The following GFOD2 variants were observed in gnomAD, a reference collection of about 807,000 sequenced individuals.
The protein encoded by GFOD2 is glucose-fructose oxidoreductase domain-containing protein 2.
GFOD2 carries 9 observed loss-of-function variants against 24.6 expected under a neutral mutation model. That is an observed-to-expected ratio of 0.37 (90% CI 0.22 to 0.64). GFOD2 has a LOEUF of 0.64. Among genes scored for constraint, GFOD2 ranks in the 30% least tolerant of loss-of-function variants. The pLI, the probability that GFOD2 is intolerant of heterozygous loss-of-function variation, is 0.65. For synonymous variants in GFOD2, 211 were observed against 224.8 expected (o/e 0.94, Z 0.55); for missense variants, 476 against 532.5 (o/e 0.89, Z 1.04).
At chr16:67,705,977 ATTTTTTTT>A (rs905493100) in intron 1 of GFOD2, among the ~76,000 whole-genome samples, 1 of 103,614 alleles carries the variant, frequency 9.7e-6, no homozygotes, top group East Asian at 3.0e-4. Flanking sequence ...TTTCCCTGTG[ATTTTTTTT>A]TTTTTTTTTT....
At chr16:67,700,488 G>GT (rs1168053950) in intron 1 of GFOD2, among the ~76,000 whole-genome samples, 1 of 152,160 alleles carries the variant, frequency 6.6e-6, no homozygotes, top group South Asian at 2.1e-4. Context: ...GGGCACGGTG[G>GT]CTCACCTGAG....
At chr16:67,703,174 C>T (rs2053415582) in intron 1 of GFOD2, among the ~76,000 whole-genome samples, 2 of 152,068 alleles carry the variant, frequency 1.3e-5, no homozygotes, top group Admixed American at 6.6e-5. Flanking sequence ...GAGGCTGAGG[C>T]GGGCGGATCA....
Position 67,683,048 on chromosome 16 carries a change from T to C in GFOD2, c.259+2409A>G. On this transcript the variant is annotated intron_variant, in intron 2 of 2. Transcript: ENST00000268797. ...TGATCACTGCTCACTGCAGCCTCTA[T>C]CTCCTGGGCTCAAGCGATCCTTCTG... 1.6e-5 allele frequency: 5 copies of C among 312,046 alleles called. No individual in the cohort carries two copies. In the South Asian group the frequency reaches 6.3e-4, roughly 40 times the overall value. 19.3% of individuals were successfully genotyped at this position (312,046 alleles called of 1,614,324 possible). A position where few individuals can be genotyped will look rare whatever the true frequency, so the allele number is the denominator to read the frequency against.
intron 1 of GFOD2, among the ~76,000 whole-genome samples, chr16:67,693,049 A>C (rs2053327948): frequency 6.6e-6 from 1 of 152,040 alleles, no homozygotes. Flanking sequence ...AACAAAAAAA[A>C]AAGGAAAATG....
intron 1 of GFOD2, among the ~76,000 whole-genome samples, chr16:67,693,579 T>C (rs1314247291): frequency 6.6e-6 from 1 of 152,050 alleles, no homozygotes; most frequent in East Asian, 1.9e-4. Flanking sequence ...GCTAGAATCT[T>C]TTTTGGGAAG....
Position 67,674,920 on chromosome 16 carries a change from G to GGCA in GFOD2, c.*232_*234dup. ...TGGCATCACCATGAGGAGGCCTGGC[G>GGCA]GCAGCTCTGCCCTGTGCACACCGTG... is the stretch of plus-strand genomic sequence containing the variant. On this transcript the variant is annotated 3_prime_UTR_variant, in exon 3 of 3. Coordinates refer to ENST00000268797, the MANE Select transcript of GFOD2 (RefSeq NM_030819.4). The GGCA allele has an allele frequency of 5.8e-6, 3 of 513,228 alleles. No homozygotes were observed. Among genetic ancestry groups the GGCA allele is most frequent in the Middle Eastern group, 5.1e-4 (1 of 1,966 alleles). 31.8% of individuals were successfully genotyped at this position (513,228 alleles called of 1,614,324 possible).
At chr16:67,702,592 ATTTTT>A (rs561204882) in intron 1 of GFOD2, among the ~76,000 whole-genome samples, 2 of 104,716 alleles carry the variant, frequency 1.9e-5, no homozygotes, top group Non-Finnish European at 3.8e-5. Flanking sequence ...GGTAGCCAGG[ATTTTT>A]TTTTTTTTTT....
chr16:67,700,654 GTGA>G (rs201538438), intron 1 of GFOD2, among the ~76,000 whole-genome samples: 4,413 of 151,976 alleles, frequency 0.029, 98 homozygotes, highest in Middle Eastern at 0.16. Flanking sequence ...AGAGGTTGCA[GTGA>G]ACTGAGATTG....
At chr16:67,717,463 T>C (rs2053514944) in intron 1 of GFOD2, among the ~76,000 whole-genome samples, 1 of 152,184 alleles carries the variant, frequency 6.6e-6, no homozygotes, top group African/African-American at 2.4e-5. Context: ...AGTATTACTA[T>C]AGAAATCAGA....
chr16:67,705,249 A>G (rs961851952), intron 1 of GFOD2, among the ~76,000 whole-genome samples: 1 of 152,092 alleles, frequency 6.6e-6, no homozygotes, highest in African/African-American at 2.4e-5. Flanking sequence ...ACTTTGTTGC[A>G]CAGGCTGGAG....
Position 67,685,442 on chromosome 16 carries a change from G to C in GFOD2, c.259+15C>G. The C allele has an allele frequency of 6.2e-7, 1 of 1,614,136 alleles. No individual in the cohort carries two copies. On this transcript the variant is annotated intron_variant, in intron 2 of 2. Transcript: ENST00000268797. ...AGAGACATGATCTGCCCCTGCTGTG[G>C]CCTGCCGGGCGTACCTAGAGCCTTC...
At chr16:67,700,655 T>C (rs576515539) in intron 1 of GFOD2, among the ~76,000 whole-genome samples, 1 of 142,804 alleles carries the variant, frequency 7.0e-6, no homozygotes, top group Non-Finnish European at 1.6e-5. Flanking sequence ...GAGGTTGCAG[T>C]GAACTGAGAT....
intron 2 of GFOD2, chr16:67,683,685 AC>A: frequency 8.1e-7 from 1 of 1,231,136 alleles, no homozygotes; most frequent in Non-Finnish European, 1.0e-6. Context: ...ATCCTTCCCT[AC>A]CCACTGAGCC....
chr16:67,682,969 T>C (rs999749259), intron 2 of GFOD2: 1 of 410,344 alleles, frequency 2.4e-6, no homozygotes, highest in Non-Finnish European at 3.3e-6. Context: ...TTAGATTTCT[T>C]TTTGTTTGTT....
At chr16:67,703,599 C>T (rs2053419182) in intron 1 of GFOD2, among the ~76,000 whole-genome samples, 1 of 152,158 alleles carries the variant, frequency 6.6e-6, no homozygotes, top group Non-Finnish European at 1.5e-5. Flanking sequence ...GAATTACCAC[C>T]AGGAGGTGAC....
chr16:67,694,153 C>T (rs2053339123), intron 1 of GFOD2, among the ~76,000 whole-genome samples: 1 of 152,220 alleles, frequency 6.6e-6, no homozygotes, highest in African/African-American at 2.4e-5. Flanking sequence ...CGCCATCACA[C>T]CTGGCTAATT....
In GFOD2 at chr16:67,685,542, A is replaced by T; in HGVS notation, c.174T>A (p.Asp58Glu). 6.2e-7 allele frequency: 1 copy of T among 1,614,152 alleles called. No individual in the cohort carries two copies. Among genetic ancestry groups the T allele is most frequent in the Non-Finnish European group, 8.5e-7 (1 of 1,180,016 alleles). ...MNIAFYTSRTDDILLHQDVDL... is the reference protein window; with the variant it reads ...MNIAFYTSRTEDILLHQDVDL... ...CCACATCTTGATGCAGCAAGATGTCATCAGTCCGGCTGGTGTAGAAGGCGA... is the reference window on the plus strand; with the variant it reads ...CCACATCTTGATGCAGCAAGATGTCTTCAGTCCGGCTGGTGTAGAAGGCGA... The change falls in exon 2 of 3, where the codon GAT (aspartate) becomes GAA (glutamate). Residue 58 changes from aspartate (D) to glutamate (E), a missense_variant. Physicochemically the swap from Asp to Glu is conservative, Grantham distance 45 (BLOSUM62 2). Transcript: ENST00000268797.
intron 1 of GFOD2, among the ~76,000 whole-genome samples, chr16:67,710,597 C>T (rs755960196): frequency 2.0e-5 from 3 of 150,254 alleles, no homozygotes; most frequent in African/African-American, 7.4e-5. Context: ...CTCCTGACCT[C>T]GTGATCCACC....
chr16:67,699,663 T>C (rs1483987805), intron 1 of GFOD2, among the ~76,000 whole-genome samples: 1 of 152,030 alleles, frequency 6.6e-6, no homozygotes, highest in Non-Finnish European at 1.5e-5. Context: ...TTTGTACATT[T>C]TGTAGAGAAG....
Sources: gnomAD v4.1 joint callset for allele counts (sites outside exome capture counted in the v4.1 genomes callset) on GRCh38, gnomAD v4.1.1 for gene constraint, MANE v1.5 for transcripts, NCBI Gene and HGNC (gene_info 2026-07-23, HGNC 2026-07-21) for gene names.